Variants in PIK3C2A observed in about 807,000 individuals in gnomAD.
PIK3C2A encodes the protein phosphatidylinositol-4-phosphate 3-kinase catalytic subunit type 2 alpha, also known as phosphatidylinositol 4-phosphate 3-kinase C2 domain-containing subunit alpha.
PIK3C2A carries 97 observed loss-of-function variants against 204.5 expected under a neutral mutation model. That is an observed-to-expected ratio of 0.47 (90% CI 0.40 to 0.56). The LOEUF is 0.56. Among genes scored for constraint, PIK3C2A ranks in the 20% least tolerant of loss-of-function variants. PIK3C2A has a pLI of 0.00. For synonymous variants in PIK3C2A, 653 were observed against 664.4 expected, an observed-to-expected ratio of 0.98 and a Z score of 0.26; for missense variants, 1,735 against 1,969.2, an observed-to-expected ratio of 0.88 and a Z score of 2.25.
At chr11:17,094,601 G>A (rs1429953756) in intron 27 of PIK3C2A, among the ~76,000 whole-genome samples, 1 of 152,130 alleles carries the variant, frequency 6.6e-6, no homozygotes, top group Non-Finnish European at 1.5e-5. Flanking sequence ...GTGCGTGCCT[G>A]TAATCCCAGC....
chr11:17,154,819 T>C (rs1850529806), intron 3 of PIK3C2A, among the ~76,000 whole-genome samples: 2 of 152,238 alleles, frequency 1.3e-5, no homozygotes, highest in African/African-American at 4.8e-5. Flanking sequence ...TAATGAACTC[T>C]ATCCCATCCT....
chr11:17,144,112 T>C (rs1850154958), intron 8 of PIK3C2A, among the ~76,000 whole-genome samples: 1 of 152,236 alleles, frequency 6.6e-6, no homozygotes, highest in African/African-American at 2.4e-5. Flanking sequence ...CAATGTCATC[T>C]GCCAATCTTC....
Position 17,086,931 on chromosome 11 carries a change from T to C in PIK3C2A, c.*2807A>G, listed in dbSNP as rs966451331. The C allele has an allele frequency of 6.6e-6, 1 of 152,142 alleles. No homozygotes were observed. The highest frequency in any genetic ancestry group is 1.5e-5 in the Non-Finnish European group (1 of 68,010). The allele number at this position is 152,142 out of a possible 1,614,324, so 9.4% of individuals were successfully genotyped here. On this transcript the variant is annotated 3_prime_UTR_variant, in exon 33 of 33. Coordinates refer to ENST00000691414, the MANE Select transcript of PIK3C2A (RefSeq NM_002645.4). Reference sequence around the variant, plus strand: ...AAGATATTGAAACTTTTATACAACTTTAATTTGAAAAAAGAAATGATCAAA... The same window carrying C: ...AAGATATTGAAACTTTTATACAACTCTAATTTGAAAAAAGAAATGATCAAA...
At chr11:17,130,005 T>A (rs1849644662) in intron 12 of PIK3C2A, among the ~76,000 whole-genome samples, 1 of 152,360 alleles carries the variant, frequency 6.6e-6, no homozygotes, top group East Asian at 1.9e-4. Flanking sequence ...AACATTTCTT[T>A]CTTTAAAGAC....
At chr11:17,160,751 G>A (rs1157610705) in intron 2 of PIK3C2A, among the ~76,000 whole-genome samples, 5 of 151,580 alleles carry the variant, frequency 3.3e-5, no homozygotes, top group African/African-American at 9.7e-5. Context: ...TCGAACCCAG[G>A]AGACAGAGGT....
intron 1 of PIK3C2A, among the ~76,000 whole-genome samples, chr11:17,175,034 T>G (rs1232396115): frequency 6.6e-6 from 1 of 152,252 alleles, no homozygotes; most frequent in Non-Finnish European, 1.5e-5. Context: ...CCACATCTGG[T>G]AATGAACAAT....
chr11:17,103,488 C>T (rs771050523), intron 23 of PIK3C2A, among the ~76,000 whole-genome samples: 1 of 152,152 alleles, frequency 6.6e-6, no homozygotes, highest in Non-Finnish European at 1.5e-5. Context: ...GGTACATTCA[C>T]TTGGCCTGAC....
intron 1 of PIK3C2A, among the ~76,000 whole-genome samples, chr11:17,171,921 AT>A (rs951329705): frequency 6.6e-6 from 1 of 152,070 alleles, no homozygotes; most frequent in African/African-American, 2.4e-5. Context: ...TTTGAAATGC[AT>A]TTTTTTTAAA....
intron 13 of PIK3C2A, among the ~76,000 whole-genome samples, chr11:17,126,350 G>C (rs1447470450): frequency 1.3e-5 from 2 of 151,982 alleles, no homozygotes; most frequent in Non-Finnish European, 2.9e-5. Flanking sequence ...GAGGCCAGGA[G>C]TTTGAGACCA....
intron 1 of PIK3C2A, among the ~76,000 whole-genome samples, chr11:17,186,150 G>A (rs527641001): frequency 2.0e-5 from 3 of 152,096 alleles, no homozygotes; most frequent in Non-Finnish European, 2.9e-5. Context: ...AGACTGTTCC[G>A]CTGAATCACT....
chr11:17,113,435 A>C (rs1486916054), intron 20 of PIK3C2A, among the ~76,000 whole-genome samples: 1 of 152,040 alleles, frequency 6.6e-6, no homozygotes, highest in Non-Finnish European at 1.5e-5. Flanking sequence ...TACTATTGTA[A>C]TTAATTAGCC....
chr11:17,097,092 TA>T lies in PIK3C2A; in HGVS notation c.4290del (p.Phe1430LeufsTer16). 6.2e-7 allele frequency: 1 copy of T among 1,603,490 alleles called. No individual in the cohort carries two copies. Among genetic ancestry groups the T allele is most frequent in the Non-Finnish European group, 8.5e-7 (1 of 1,170,400 alleles). On this transcript the variant is annotated frameshift_variant, in exon 27 of 33. Coordinates refer to ENST00000691414, the MANE Select transcript of PIK3C2A (RefSeq NM_002645.4). LOFTEE classifies it high-confidence loss of function. The stretch of plus-strand genomic sequence containing the variant: ...TCTGGGTTGTATTTCTTATGATATG[TA>T]AAAACAGAGACTTCCTTGATTCGAC... ...QDGRIKEVSV[F>X]TYHKKYNPDK...
Position 17,097,081 on chromosome 11 carries a change from C to A in PIK3C2A, c.4302G>T (p.Lys1434Asn). ...CATAATGTTTATCTGGGTTGTATTT[C>A]TTATGATATGTAAAAACAGAGACTT... ...IKEVSVFTYH[K>N]KYNPDKHYIY... Residue 1434 changes from lysine (K) to asparagine (N), a missense_variant, in exon 27 of 33, where the codon AAG (lysine) becomes AAT (asparagine). This residue lies in a region of PIK3C2A where 503 missense variants were observed against 669.0 expected (regional missense o/e 0.75). Coordinates refer to ENST00000691414, the MANE Select transcript of PIK3C2A (RefSeq NM_002645.4). The A allele has an allele frequency of 1.3e-6, 2 of 1,588,120 alleles. No homozygotes were observed. The highest frequency in any genetic ancestry group is 1.7e-6 in the Non-Finnish European group (2 of 1,156,636).
At chr11:17,181,451 TGAAA>T (rs1851548521) in intron 1 of PIK3C2A, among the ~76,000 whole-genome samples, 4 of 151,622 alleles carry the variant, frequency 2.6e-5, no homozygotes, top group African/African-American at 9.7e-5. Flanking sequence ...GTTGAGCAAC[TGAAA>T]GACAGAAAAC....
At chr11:17,163,832 T>G (rs1683455873) in intron 2 of PIK3C2A, among the ~76,000 whole-genome samples, 1 of 151,980 alleles carries the variant, frequency 6.6e-6, no homozygotes, top group African/African-American at 2.4e-5. Flanking sequence ...TCATCCTGTT[T>G]TATAAGAGCA....
In PIK3C2A at chr11:17,122,248, G is replaced by A. The variant is rs764546902; in HGVS notation, c.2597C>T (p.Thr866Ile). Residue 866 changes from threonine to isoleucine, a missense_variant, in exon 15 of 33, where the codon ACA becomes ATA. This residue lies in a region of PIK3C2A where 567 missense variants were observed against 576.0 expected (regional missense o/e 0.98). Coordinates refer to ENST00000691414, the MANE Select transcript of PIK3C2A (RefSeq NM_002645.4). Reference sequence around the variant, plus strand: ...TTTCCCTTTTATATCATTCTCTAGTGTTTCTAAGTTATGTTGCTGTATAAT... The same window carrying A: ...TTTCCCTTTTATATCATTCTCTAGTATTTCTAAGTTATGTTGCTGTATAAT... ...RSIIQQHNLE[T>I]LENDIKGKLL... 5 of 1,531,204 alleles carry A rather than the reference G, an allele frequency of 3.3e-6. No individual in the cohort carries two copies. In the South Asian group the frequency reaches 3.4e-5, roughly 10 times the overall value. 94.9% of individuals were successfully genotyped at this position (1,531,204 alleles called of 1,614,324 possible). A position where few individuals can be genotyped will look rare whatever the true frequency, so the allele number is the denominator to read the frequency against.
Position 17,122,722 on chromosome 11 carries a change from T to C in PIK3C2A, c.2491A>G (p.Met831Val). Residue 831 changes from methionine (M) to valine (V), a missense_variant, in exon 14 of 33, where the codon ATG (methionine) becomes GTG (valine). Physicochemically the swap from Met to Val is conservative, Grantham distance 21. This residue lies in a region of PIK3C2A where 567 missense variants were observed against 576.0 expected (regional missense o/e 0.98). Coordinates refer to ENST00000691414, the MANE Select transcript of PIK3C2A (RefSeq NM_002645.4). Reference sequence around the variant, plus strand: ...ATTACCTGTAGCACTATTCTTTCCATGACATATCCTTTTTTGGTAACTGTT... The same window carrying C: ...ATTACCTGTAGCACTATTCTTTCCACGACATATCCTTTTTTGGTAACTGTT... ...PGTVTKKGYV[M>V]ERIVLQVDFP... The C allele has an allele frequency of 1.4e-6, 2 of 1,472,510 alleles. No individual in the cohort carries two copies. The highest frequency in any genetic ancestry group is 1.9e-6 in the Non-Finnish European group (2 of 1,054,642). 91.2% of individuals were successfully genotyped at this position (1,472,510 alleles called of 1,614,324 possible).
intron 27 of PIK3C2A, among the ~76,000 whole-genome samples, chr11:17,094,936 T>A (rs1471235056): frequency 6.6e-6 from 1 of 152,162 alleles, no homozygotes; most frequent in East Asian, 1.9e-4. Context: ...ATAACCATCC[T>A]AAGATAGATA....
chr11:17,136,259 G>C (rs553161041), intron 9 of PIK3C2A, among the ~76,000 whole-genome samples: 68 of 152,150 alleles, frequency 4.5e-4, no homozygotes, highest in African/African-American at 1.5e-3. Context: ...ATACACAAAG[G>C]GTTCACAGTT....
Sources: gnomAD v4.1 joint callset for allele counts (sites outside exome capture counted in the v4.1 genomes callset) on GRCh38, gnomAD v4.1.1 for gene constraint, gnomAD v4.1.1 regional missense constraint, MANE v1.5 for transcripts, NCBI Gene and HGNC (gene_info 2026-07-23, HGNC 2026-07-21) for gene names.